ZNF451: variants seen among roughly 807,000 people sequenced by gnomAD.
ZNF451 encodes the protein zinc finger protein 451.
ZNF451 carries 80 observed loss-of-function variants against 107.1 expected under a neutral mutation model. The ratio of observed to expected loss-of-function variants is 0.75; its 90% confidence interval spans 0.62 to 0.90. The LOEUF (loss-of-function observed/expected upper bound fraction) is 0.90, where lower values mean the gene tolerates loss of function less well. Among genes scored for constraint, ZNF451 ranks in the 40% least tolerant of loss-of-function variants. The pLI is 0.00. For missense variants in ZNF451, 1,107 were observed against 1,236.2 expected, an observed-to-expected ratio of 0.90 and a Z score of 1.57; for synonymous variants, 362 against 406.5, an observed-to-expected ratio of 0.89 and a Z score of 1.32.
chr6:57,104,288 T>G, intron 3 of ZNF451: 2 of 985,400 alleles, frequency 2.0e-6, no homozygotes, highest in Non-Finnish European at 2.4e-6. Flanking sequence ...GCTCTTGATA[T>G]TGGCACTGTA....
rs778821123 is a variant in ZNF451, at chr6:57,148,191, A to C, written c.2106A>C (p.Glu702Asp). 1 of 1,614,036 alleles carries C rather than the reference A, an allele frequency of 6.2e-7. No individual in the cohort carries two copies. The highest frequency in any genetic ancestry group is 8.5e-7 in the Non-Finnish European group (1 of 1,179,960). ...ATGTATTTGTGTCAGAAAAAACTGA[A>C]ACTTCAATTAAAACCGAAGATGATT... The part of the protein sequence containing the change: ...IDYVFVSEKT[E>D]TSIKTEDDFP... The change falls in exon 10 of 15, where the codon GAA becomes GAC. Residue 702 changes from glutamate (E) to aspartate (D), a missense_variant. Transcript: ENST00000370706.
At chr6:57,137,185 G>T (rs1327414878) in intron 7 of ZNF451, among the ~76,000 whole-genome samples, 3 of 152,168 alleles carry the variant, frequency 2.0e-5, no homozygotes, top group African/African-American at 7.2e-5. Flanking sequence ...ATGCATGGGG[G>T]GTTGTAATTG....
chr6:57,124,019 C>G (rs921536403), intron 3 of ZNF451, among the ~76,000 whole-genome samples: 1 of 152,142 alleles, frequency 6.6e-6, no homozygotes, highest in Non-Finnish European at 1.5e-5. Context: ...ACTTCATTAG[C>G]TAGGACTTCT....
chr6:57,111,184 GTGCTGGGAT>G (rs569042168), intron 3 of ZNF451, among the ~76,000 whole-genome samples: 249 of 151,916 alleles, frequency 1.6e-3, no homozygotes, highest in African/African-American at 5.8e-3. Context: ...GCCTCCCGAA[GTGCTGGGAT>G]TGCAGGCGTG....
intron 10 of ZNF451, among the ~76,000 whole-genome samples, chr6:57,150,239 T>C (rs1832281348): frequency 6.6e-6 from 1 of 152,178 alleles, no homozygotes; most frequent in Non-Finnish European, 1.5e-5. Context: ...ATTTCTGCTC[T>C]CTAGGGTGTT....
chr6:57,099,526 T>A (rs1436412218), intron 3 of ZNF451: 9 of 716,840 alleles, frequency 1.3e-5, no homozygotes, highest in Middle Eastern at 2.3e-4. Flanking sequence ...GAAAATTTGT[T>A]TTCTCTTAGA....
intron 3 of ZNF451, among the ~76,000 whole-genome samples, chr6:57,118,530 G>GT (rs1355354394): frequency 6.6e-6 from 1 of 152,012 alleles, no homozygotes; most frequent in African/African-American, 2.4e-5. Flanking sequence ...GTCTTGCTTT[G>GT]TTGTCCCCCA....
At chr6:57,109,177 T>C (rs1026139384) in intron 3 of ZNF451, 1 of 985,294 alleles carries the variant, frequency 1.0e-6, no homozygotes, top group Non-Finnish European at 1.2e-6. Context: ...ACTAAGATTA[T>C]TCTTGATTCG....
intron 3 of ZNF451, among the ~76,000 whole-genome samples, chr6:57,114,479 C>G (rs1830269073): frequency 6.6e-6 from 1 of 152,056 alleles, no homozygotes; most frequent in South Asian, 2.1e-4. Flanking sequence ...AAAATATTTT[C>G]CCAATAGCCA....
In ZNF451 at chr6:57,124,789, C is replaced by T; in HGVS notation, c.242C>T (p.Thr81Ile). 6.2e-7 allele frequency: 1 copy of T among 1,609,726 alleles called. No individual in the cohort carries two copies. Among genetic ancestry groups the T allele is most frequent in the Non-Finnish European group, 8.5e-7 (1 of 1,176,470 alleles). The change falls in exon 4 of 15, where the codon ACT becomes ATT. Residue 81 changes from threonine (T) to isoleucine (I), a missense_variant. By Grantham distance (89) the Thr-to-Ile change is moderately conservative. Around this residue, in one of 5 missense-constraint regions of ZNF451, gnomAD observed 339 missense variants for 372.8 expected, o/e 0.91. Coordinates refer to ENST00000370706, the MANE Select transcript of ZNF451 (RefSeq NM_001031623.3). ...TATCAGAAGGATAAAGTTGCTTTAA[C>T]TCTGGCTCGTCTAGCCCGCCATGTT... Reference protein sequence around the residue: ...IDYQKDKVALTLARLARHVEV... With the variant: ...IDYQKDKVALILARLARHVEV...
chr6:57,165,695 T>C (rs1763865929), intron 14 of ZNF451: 1 of 152,224 alleles, frequency 6.6e-6, no homozygotes, highest in African/African-American at 2.4e-5. Context: ...CTTTAGTTCT[T>C]TGAACATACA....
intron 7 of ZNF451, among the ~76,000 whole-genome samples, chr6:57,139,497 T>C (rs535759654): frequency 6.6e-6 from 1 of 152,310 alleles, no homozygotes; most frequent in East Asian, 1.9e-4. Flanking sequence ...TCATAAGCAC[T>C]ACACAAACTA....
intron 3 of ZNF451, chr6:57,107,306 AC>A: frequency 1.0e-6 from 1 of 985,026 alleles, no homozygotes; most frequent in Non-Finnish European, 1.2e-6. Context: ...TGTATACTAG[AC>A]AGGATTTTGA....
chr6:57,094,327 C>A (rs185933064), intron 2 of ZNF451, among the ~76,000 whole-genome samples: 1 of 151,948 alleles, frequency 6.6e-6, no homozygotes, highest in Non-Finnish European at 1.5e-5. Context: ...ATTTCTATTT[C>A]AGAGACAGGG....
At chr6:57,166,875 T>TG (rs1326074415) in intron 14 of ZNF451, among the ~76,000 whole-genome samples, 2 of 152,220 alleles carry the variant, frequency 1.3e-5, no homozygotes, top group Admixed American at 1.3e-4. Flanking sequence ...TATAATCTTA[T>TG]GGGACCACTG....
intron 3 of ZNF451, among the ~76,000 whole-genome samples, chr6:57,112,629 G>T (rs1307779400): frequency 2.6e-5 from 4 of 152,128 alleles, no homozygotes; most frequent in Non-Finnish European, 5.9e-5. Flanking sequence ...AAGTGCCTAT[G>T]ATGAGTGAGA....
At chr6:57,121,647 A>G (rs866783808) in intron 3 of ZNF451, among the ~76,000 whole-genome samples, 1 of 152,212 alleles carries the variant, frequency 6.6e-6, no homozygotes, top group African/African-American at 2.4e-5. Context: ...ACACAAAAAA[A>G]TTGAATACCT....
At chr6:57,137,976 T>C (rs1593140873) in intron 7 of ZNF451, among the ~76,000 whole-genome samples, 2 of 152,244 alleles carry the variant, frequency 1.3e-5, no homozygotes, top group African/African-American at 4.8e-5. Context: ...TAAGGACATA[T>C]GCCGCATTGT....
intron 7 of ZNF451, among the ~76,000 whole-genome samples, chr6:57,136,732 G>A (rs1831447649): frequency 6.6e-6 from 1 of 152,064 alleles, no homozygotes. Context: ...GAGTATATAT[G>A]TCTGTTTTCT....
Sources: allele counts gnomAD v4.1 joint callset (sites outside exome capture counted in the v4.1 genomes callset), GRCh38; gene constraint gnomAD v4.1.1; regional missense constraint gnomAD v4.1.1; transcripts MANE v1.5; gene names NCBI Gene and HGNC (gene_info 2026-07-23, HGNC 2026-07-21).